Variants in ST6GAL2 observed in about 807,000 individuals in gnomAD.
ST6GAL2 encodes the protein ST6 beta-galactoside alpha-2,6-sialyltransferase 2.
Under a neutral mutation model 37.5 loss-of-function variants are expected in ST6GAL2, and 24 were observed. The observed-to-expected ratio is 0.64, with a 90% CI of 0.46 to 0.90. The LOEUF is 0.90. ST6GAL2 is among the 40% of genes least tolerant of loss of function. ST6GAL2 has a pLI of 0.00. For synonymous variants in ST6GAL2, 306 were observed against 295.1 expected, an observed-to-expected ratio of 1.04 and a Z score of -0.38; for missense variants, 715 against 712.7, an observed-to-expected ratio of 1.00 and a Z score of -0.04.
intron 4 of ST6GAL2, among the ~76,000 whole-genome samples, chr2:106,831,664 A>G (rs2104471966): frequency 6.6e-6 from 1 of 152,292 alleles, no homozygotes; most frequent in Middle Eastern, 3.4e-3. Context: ...CCTGGTCAAG[A>G]ATTGTAAGTA....
At chr2:106,836,518 T>A (rs1331506275) in intron 2 of ST6GAL2, among the ~76,000 whole-genome samples, 5 of 152,076 alleles carry the variant, frequency 3.3e-5, no homozygotes, top group African/African-American at 1.2e-4. Context: ...CATAATTGTA[T>A]AATATTGTAC....
intron 5 of ST6GAL2, among the ~76,000 whole-genome samples, chr2:106,823,848 G>A (rs900096306): frequency 7.9e-5 from 12 of 152,128 alleles, no homozygotes; most frequent in African/African-American, 2.9e-4. Flanking sequence ...TTCACACAGT[G>A]GAAGAGGCAA....
chr2:106,822,478 C>T (rs1249582624), intron 5 of ST6GAL2, among the ~76,000 whole-genome samples: 1 of 151,784 alleles, frequency 6.6e-6, no homozygotes, highest in Non-Finnish European at 1.5e-5. Context: ...TATAAAACAT[C>T]CATGAAAGAA....
At chr2:106,885,161 A>G (rs1413265625) in intron 1 of ST6GAL2, among the ~76,000 whole-genome samples, 2 of 151,708 alleles carry the variant, frequency 1.3e-5, no homozygotes, top group African/African-American at 4.8e-5. Context: ...CAGCCCACCA[A>G]AGACCCCCCT....
At chr2:106,841,776 C>G in intron 2 of ST6GAL2, among the ~76,000 whole-genome samples, 1 of 152,160 alleles carries the variant, frequency 6.6e-6, no homozygotes, top group East Asian at 1.9e-4. Context: ...GGTGCAGAAC[C>G]TACACCACTC....
In ST6GAL2 at chr2:106,850,240, A is replaced by G. The variant is rs115633427; in HGVS notation, c.-57-6206T>C. ...ATGTCAGAGGACACAAATAAAGAGAAGAAGCACCTGGCAGGATAGAGGGGG... is the reference window on the plus strand; with the variant it reads ...ATGTCAGAGGACACAAATAAAGAGAGGAAGCACCTGGCAGGATAGAGGGGG... On this transcript the variant is annotated intron_variant, in intron 1 of 5. Coordinates refer to ENST00000409382, the MANE Select transcript of ST6GAL2 (RefSeq NM_001142351.2). Among the ~76,000 whole-genome samples the G allele has an allele frequency of 7.9e-3, 1,199 of 152,316 alleles. 22 individuals carry two copies. The highest frequency in any genetic ancestry group is 0.027 in the African/African-American group (1,138 of 41,576).
chr2:106,851,140 C>T (rs2121894), intron 1 of ST6GAL2, among the ~76,000 whole-genome samples: 23,005 of 152,242 alleles, frequency 0.15, 2,639 homozygotes, highest in East Asian at 0.46. Flanking sequence ...ATGCAAAGGT[C>T]TGAATTCCCA....
In ST6GAL2 at chr2:106,813,181, C is replaced by T. The variant is rs80006419; in HGVS notation, c.1319-6232G>A. 1.2e-3 allele frequency: 1,589 copies of T among 1,342,856 alleles called. 14 individuals carry two copies. The African/African-American group carries it at 0.022, about 19-fold the overall frequency. The allele number at this position is 1,342,856 out of a possible 1,614,324, so 83.2% of individuals were successfully genotyped here. ...AGGCTGGAGTGCAGTCGCGTGATCT[C>T]GGCTCACTGCAAGCTCTGATATGGC... On this transcript the variant is annotated intron_variant, in intron 5 of 5. Coordinates refer to ENST00000409382, the MANE Select transcript of ST6GAL2 (RefSeq NM_001142351.2).
At chr2:106,847,502 C>T (rs1677190253) in intron 1 of ST6GAL2, among the ~76,000 whole-genome samples, 1 of 152,102 alleles carries the variant, frequency 6.6e-6, no homozygotes, top group South Asian at 2.1e-4. Flanking sequence ...TAGTGTAGAC[C>T]CCATGTGTTA....
chr2:106,834,008 C>T (rs1676529753), intron 3 of ST6GAL2, 41 bp downstream of exon 3: 1 of 1,474,956 alleles, frequency 6.8e-7, no homozygotes, highest in African/African-American at 1.4e-5. Context: ...CCAGTTAAAC[C>T]TAAGAAACAT....
At chr2:106,869,185 A>T (rs985109540) in intron 1 of ST6GAL2, among the ~76,000 whole-genome samples, 1 of 152,054 alleles carries the variant, frequency 6.6e-6, no homozygotes, top group African/African-American at 2.4e-5. Context: ...ACTCCAGGAG[A>T]GGAAGGCCTG....
Position 106,806,915 on chromosome 2 carries a change from C to T in ST6GAL2, c.1353G>A (p.Val451=). The T allele has an allele frequency of 2.5e-6, 4 of 1,613,686 alleles. No individual in the cohort carries two copies. Among genetic ancestry groups the T allele is most frequent in the Non-Finnish European group, 2.5e-6 (3 of 1,179,700 alleles). Residue 451 remains valine (V), a synonymous_variant, in exon 6 of 6, where the codon GTG becomes GTA. Coordinates refer to ENST00000409382, the MANE Select transcript of ST6GAL2 (RefSeq NM_001142351.2). ...CGGATGGGATATATTCATACACGTGCACCTCTCTGCACATGGACATCATTA... is the reference window on the plus strand; with the variant it reads ...CGGATGGGATATATTCATACACGTGTACCTCTCTGCACATGGACATCATTA... ...ILIMMSMCRE[V]HVYEYIPSVR...
intron 1 of ST6GAL2, among the ~76,000 whole-genome samples, chr2:106,881,867 A>G (rs1678764904): frequency 6.6e-6 from 1 of 152,236 alleles, no homozygotes; most frequent in African/African-American, 2.4e-5. Context: ...GTATTCTCTA[A>G]TGCTTTAGCC....
At chr2:106,874,965 C>T (rs145129369) in intron 1 of ST6GAL2, among the ~76,000 whole-genome samples, 2 of 152,152 alleles carry the variant, frequency 1.3e-5, no homozygotes, top group Non-Finnish European at 2.9e-5. Context: ...CAGCTCCATA[C>T]CAAATGGTAC....
intron 1 of ST6GAL2, among the ~76,000 whole-genome samples, chr2:106,866,034 T>A (rs753289046): frequency 3.3e-5 from 5 of 152,180 alleles, no homozygotes; most frequent in Non-Finnish European, 5.9e-5. Flanking sequence ...GCAGTAGAAG[T>A]GGCAGGAATT....
rs893096648 is a variant in ST6GAL2, at chr2:106,823,272, C to T, written c.1318+6794G>A. On this transcript the variant is annotated intron_variant, in intron 5 of 5. Coordinates refer to ENST00000409382, the MANE Select transcript of ST6GAL2 (RefSeq NM_001142351.2). ...AAATAATGCACAGATCTTACAGCACCAAAGAAAAAGCTCAGCCGTGCCTAT... is the reference window on the plus strand; with the variant it reads ...AAATAATGCACAGATCTTACAGCACTAAAGAAAAAGCTCAGCCGTGCCTAT... 2.0e-5 allele frequency: 3 copies of T among 151,856 alleles called. No individual in the cohort carries two copies. In the East Asian group the frequency reaches 5.8e-4, roughly 29 times the overall value. 9.4% of individuals were successfully genotyped at this position (151,856 alleles called of 1,614,324 possible). A position where few individuals can be genotyped will look rare whatever the true frequency, so the allele number is the denominator to read the frequency against.
chr2:106,842,978 C>T, intron 2 of ST6GAL2, 57 bp downstream of exon 2: 3 of 1,256,482 alleles, frequency 2.4e-6, no homozygotes, highest in Non-Finnish European at 2.0e-6. Context: ...AAAGAACCGG[C>T]CCCCAGGGAC....
intron 1 of ST6GAL2, among the ~76,000 whole-genome samples, chr2:106,859,625 C>G (rs1445708050): frequency 1.3e-5 from 2 of 152,198 alleles, no homozygotes; most frequent in African/African-American, 2.4e-5. Flanking sequence ...ATCCCAACCA[C>G]CAGCAAACCC....
At chr2:106,879,766 A>G (rs1427493580) in intron 1 of ST6GAL2, among the ~76,000 whole-genome samples, 1 of 147,686 alleles carries the variant, frequency 6.8e-6, no homozygotes, top group East Asian at 2.0e-4. Context: ...ATATAGACCA[A>G]CTATATACTA....
Sources: allele counts gnomAD v4.1 joint callset (sites outside exome capture counted in the v4.1 genomes callset), GRCh38; gene constraint gnomAD v4.1.1; transcripts MANE v1.5; gene names NCBI Gene and HGNC (gene_info 2026-07-23, HGNC 2026-07-21).